The following CARS2 variants were observed in gnomAD, a reference collection of about 807,000 sequenced individuals.
CARS2 encodes the protein cysteinyl-tRNA synthetase 2, mitochondrial.
In CARS2, 52 loss-of-function variants were observed where a neutral mutation model predicts 68.8. The ratio of observed to expected loss-of-function variants is 0.76; its 90% CI spans 0.61 to 0.95. The LOEUF (loss-of-function observed/expected upper bound fraction) is 0.95. CARS2 is among the 40% of genes least tolerant of loss of function. CARS2 has a pLI of 0.00. For missense variants in CARS2, 780 were observed against 754.2 expected, an observed-to-expected ratio of 1.03 and a Z score of -0.40; for synonymous variants, 314 against 303.6, an observed-to-expected ratio of 1.03 and a Z score of -0.36.
In CARS2 at chr13:110,665,165, C is replaced by T. The variant is rs2139756094; in HGVS notation, c.920-1647G>A. ...CTGAAAAATAGCCACAAAACTTTCC[C>T]ACCACGTGCAGTGGCTCACGCCTAT... On this transcript the variant is annotated intron_variant, in intron 8 of 14. Coordinates refer to ENST00000257347, the MANE Select transcript of CARS2 (RefSeq NM_024537.4). This position sits in a 1 kb window ranked among gnomAD's most constrained non-coding sequence, Gnocchi z 4.3. 1 of 985,338 alleles carries T rather than the reference C, an allele frequency of 1.0e-6. No homozygotes were observed. Among genetic ancestry groups the T allele is most frequent in the Non-Finnish European group, 1.2e-6 (1 of 829,878 alleles). The allele number at this position is 985,338 out of a possible 1,614,324, so 61.0% of individuals were successfully genotyped here.
intron 7 of CARS2, among the ~76,000 whole-genome samples, chr13:110,672,661 G>A (rs1207154685): frequency 6.6e-6 from 1 of 152,100 alleles, no homozygotes; most frequent in African/African-American, 2.4e-5. Flanking sequence ...AAGAACTAGA[G>A]AAGCAAGAGC....
At chr13:110,697,722 T>C (rs35797920) in intron 3 of CARS2, among the ~76,000 whole-genome samples, 16,859 of 152,298 alleles carry the variant, frequency 0.11, 1,233 homozygotes, top group Non-Finnish European at 0.16. Flanking sequence ...CGTGAGCCAC[T>C]GCACCCAGCC....
intron 9 of CARS2, chr13:110,662,823 A>G (rs908475933): frequency 2.1e-5 from 7 of 326,896 alleles, no homozygotes; most frequent in African/African-American, 1.1e-4. Flanking sequence ...CTGGTTTGCT[A>G]TTTAGGCGGT....
chr13:110,708,519 A>G (rs1037574251), upstream of CARS2, among the ~76,000 whole-genome samples: 6 of 152,202 alleles, frequency 3.9e-5, no homozygotes, highest in African/African-American at 1.4e-4. Context: ...TTCTGTCTTC[A>G]GAAAATTCAT....
intron 14 of CARS2, among the ~76,000 whole-genome samples, chr13:110,641,988 GGTCGGGAGTTTGAGACCA>G: frequency 6.6e-6 from 1 of 152,290 alleles, no homozygotes; most frequent in African/African-American, 2.4e-5. Flanking sequence ...GATCACCTGA[GGTCGGGAGTTTGAGACCA>G]GCCTGACCCA....
intron 7 of CARS2, among the ~76,000 whole-genome samples, chr13:110,667,747 A>C (rs1463669209): frequency 6.6e-6 from 1 of 152,114 alleles, no homozygotes; most frequent in African/African-American, 2.4e-5. Context: ...TTTTCAACTC[A>C]AAAAATTACC....
chr13:110,644,817 A>C (rs1010312039), intron 12 of CARS2: 3 of 258,244 alleles, frequency 1.2e-5, no homozygotes, highest in Non-Finnish European at 2.3e-5. Flanking sequence ...TGGGTTTCTC[A>C]GAAAACGGGG....
intron 10 of CARS2, among the ~76,000 whole-genome samples, chr13:110,647,861 C>G (rs918617681): frequency 6.6e-6 from 1 of 150,596 alleles, no homozygotes; most frequent in African/African-American, 2.5e-5. Context: ...TTGCAATGAT[C>G]ACATATCCTT....
chr13:110,676,835 C>T lies in CARS2; in HGVS notation c.785+139G>A, dbSNP rs776270067. 140 of 1,152,888 alleles carry T rather than the reference C, an allele frequency of 1.2e-4. 1 individual carries two copies. Among genetic ancestry groups the T allele is most frequent in the South Asian group, 2.3e-4 (13 of 56,632 alleles). 71.4% of individuals were successfully genotyped at this position (1,152,888 alleles called of 1,614,324 possible). Reference sequence around the variant, plus strand: ...CCCCGTTCCATGGCCCGTCACACTCCGGCAAAAATCTCTTCCCAAAAAATC... The same window carrying T: ...CCCCGTTCCATGGCCCGTCACACTCTGGCAAAAATCTCTTCCCAAAAAATC... On this transcript the variant is annotated intron_variant, in intron 7 of 14. Coordinates refer to ENST00000257347, the MANE Select transcript of CARS2 (RefSeq NM_024537.4). The surrounding 1 kb of genome is among the most constrained non-coding windows in gnomAD (Gnocchi z 4.0).
intron 3 of CARS2, among the ~76,000 whole-genome samples, chr13:110,693,172 C>T (rs1379394576): frequency 2.2e-5 from 3 of 138,046 alleles, no homozygotes; most frequent in Non-Finnish European, 3.1e-5. Context: ...AACATATAAA[C>T]ACACAAGCAC....
In CARS2 at chr13:110,659,767, G is replaced by A. The variant is rs138662369; in HGVS notation, c.987+3684C>T. On this transcript the variant is annotated intron_variant, in intron 9 of 14. Coordinates refer to ENST00000257347, the MANE Select transcript of CARS2 (RefSeq NM_024537.4). ...AAAATGATAATCATATGAGCCTTCA[G>A]TGAGTCATCTTTTTGCTGGTGGAAG... Among the ~76,000 whole-genome samples the A allele has an allele frequency of 3.4e-3, 522 of 152,330 alleles. 2 individuals are homozygous for A. Among genetic ancestry groups the A allele is most frequent in the African/African-American group, 0.012 (487 of 41,570 alleles).
chr13:110,666,794 T>C (rs2062660227), intron 8 of CARS2: 1 of 985,296 alleles, frequency 1.0e-6, no homozygotes. Context: ...CCCCAAAAGG[T>C]AATAAGACTA....
intron 7 of CARS2, among the ~76,000 whole-genome samples, chr13:110,674,491 C>T (rs990844650): frequency 6.6e-6 from 1 of 151,800 alleles, no homozygotes; most frequent in Non-Finnish European, 1.5e-5. Context: ...ATAAACAATG[C>T]TGGGAAAACT....
intron 9 of CARS2, among the ~76,000 whole-genome samples, chr13:110,657,668 A>G (rs2062405103): frequency 6.6e-6 from 1 of 152,248 alleles, no homozygotes; most frequent in African/African-American, 2.4e-5. Flanking sequence ...GAACAATTAG[A>G]CAACCATGAC....
chr13:110,643,745 TTTA>T, intron 13 of CARS2: 4 of 166,432 alleles, frequency 2.4e-5, no homozygotes, highest in East Asian at 1.7e-4. Context: ...TGGTGGGGAC[TTTA>T]AGAATAAGGC....
chr13:110,712,570 G>A (rs1025822783), intron 1 of CARS2: 21 of 319,494 alleles, frequency 6.6e-5, no homozygotes, highest in Non-Finnish European at 1.2e-4. Flanking sequence ...CCTAGGCAAC[G>A]GGCTCGCGTG....
At chr13:110,642,927 T>C (rs924574037) in intron 13 of CARS2, 1 of 396,174 alleles carries the variant, frequency 2.5e-6, no homozygotes, top group African/African-American at 2.1e-5. Context: ...TTTCGGCAAA[T>C]GGTCTGAGAT....
chr13:110,651,995 C>T (rs1202462577), intron 9 of CARS2, among the ~76,000 whole-genome samples: 2 of 152,236 alleles, frequency 1.3e-5, no homozygotes, highest in African/African-American at 4.8e-5. Context: ...GACGGGAGCC[C>T]GAGTGGCTCC....
chr13:110,694,443 C>T (rs1257301806), intron 3 of CARS2, among the ~76,000 whole-genome samples: 1 of 151,772 alleles, frequency 6.6e-6, no homozygotes, highest in South Asian at 2.1e-4. Context: ...TTGAGACCAG[C>T]CTGGCCAATA....
Sources: gnomAD v4.1 joint callset for allele counts (sites outside exome capture counted in the v4.1 genomes callset) on GRCh38, gnomAD v4.1.1 for gene constraint, Gnocchi (gnomAD v3.1) non-coding constraint, MANE v1.5 for transcripts, NCBI Gene and HGNC (gene_info 2026-07-23, HGNC 2026-07-21) for gene names.